NOS1AP: variants seen among roughly 807,000 people sequenced by gnomAD.
NOS1AP encodes the protein carboxyl-terminal PDZ ligand of neuronal nitric oxide synthase protein.
NOS1AP carries 21 observed loss-of-function variants against 56.2 expected under a neutral mutation model. That is an observed-to-expected ratio of 0.37 (90% CI 0.26 to 0.54). The LOEUF (loss-of-function observed/expected upper bound fraction) is 0.54, where lower values mean the gene tolerates loss of function less well. NOS1AP is among the 20% of genes least tolerant of loss of function. The pLI, the probability that NOS1AP is intolerant of heterozygous loss-of-function variation, is 0.84. For missense variants in NOS1AP, 522 were observed against 657.8 expected (o/e 0.79, Z 2.26); for synonymous variants, 270 against 274.6 (o/e 0.98, Z 0.17).
At chr1:162,101,986 G>T (rs1021944100) in intron 1 of NOS1AP, among the ~76,000 whole-genome samples, 2 of 152,066 alleles carry the variant, frequency 1.3e-5, no homozygotes, top group African/African-American at 4.8e-5. Context: ...CGTTGAATAG[G>T]AGTGGTGATA....
chr1:162,147,998 G>A (rs1244726963), intron 1 of NOS1AP, among the ~76,000 whole-genome samples: 3 of 152,158 alleles, frequency 2.0e-5, no homozygotes. Context: ...CCACCAGCAG[G>A]AAGGTTTAAC....
chr1:162,096,834 G>A (rs537759546), intron 1 of NOS1AP, among the ~76,000 whole-genome samples: 1 of 152,136 alleles, frequency 6.6e-6, no homozygotes, highest in South Asian at 2.1e-4. Flanking sequence ...TTCTTCTGTT[G>A]ATTGCATTTA....
At chr1:162,099,902 G>A (rs1408332096) in intron 1 of NOS1AP, among the ~76,000 whole-genome samples, 5 of 151,436 alleles carry the variant, frequency 3.3e-5, no homozygotes, top group South Asian at 2.1e-4. Context: ...TTGTCCTTGC[G>A]ATAGTTTGCT....
intron 2 of NOS1AP, among the ~76,000 whole-genome samples, chr1:162,210,527 C>T (rs1289564071): frequency 6.6e-6 from 1 of 152,130 alleles, no homozygotes; most frequent in African/African-American, 2.4e-5. Flanking sequence ...TATCACCGAG[C>T]TCTCTGAGGC....
chr1:162,365,452 G>A lies in NOS1AP; in HGVS notation c.988G>A (p.Glu330Lys). Residue 330 changes from glutamate (E) to lysine (K), a missense_variant, in exon 9 of 10, where the codon GAG becomes AAG. Physicochemically the swap from Glu to Lys is moderately conservative, Grantham distance 56. Transcript: ENST00000361897. ...QLAAEAAARL[E>K]AQARVHQLLL... Reference sequence around the variant, plus strand: ...GGCTGCTGAGGCTGCGGCGCGGCTGGAGGCCCAGGCTCGCGTGCATCAGCT... The same window carrying A: ...GGCTGCTGAGGCTGCGGCGCGGCTGAAGGCCCAGGCTCGCGTGCATCAGCT... 1 of 1,614,066 alleles carries A rather than the reference G, an allele frequency of 6.2e-7. No individual in the cohort carries two copies. Among genetic ancestry groups the A allele is most frequent in the Non-Finnish European group, 8.5e-7 (1 of 1,180,044 alleles).
chr1:162,246,335 G>A (rs185675162), intron 2 of NOS1AP, among the ~76,000 whole-genome samples: 7,595 of 152,194 alleles, frequency 0.05, 553 homozygotes, highest in African/African-American at 0.17. Context: ...GGACAGTACA[G>A]AGTGATGAAC....
chr1:162,077,762 TGGCCTTCCCTG>T lies in NOS1AP; in HGVS notation c.105+7481_105+7491del, dbSNP rs1437084796. ...CTCCTCCCTGCCTAAGAGTATGCTATGGCCTTCCCTGTATGAAATACCTCTTCTTTCCACCT... is the reference window on the plus strand; with the variant it reads ...CTCCTCCCTGCCTAAGAGTATGCTATTATGAAATACCTCTTCTTTCCACCT... On this transcript the variant is annotated intron_variant, in intron 1 of 9. Transcript: ENST00000361897. Among the ~76,000 whole-genome samples the T allele has an allele frequency of 5.4e-5, 8 of 148,484 alleles. 1 individual carries two copies. The highest frequency in any genetic ancestry group is 5.4e-4 in the Admixed American group (8 of 14,900).
At chr1:162,233,054 T>C (rs763604080) in intron 2 of NOS1AP, among the ~76,000 whole-genome samples, 2 of 152,218 alleles carry the variant, frequency 1.3e-5, no homozygotes, top group Non-Finnish European at 2.9e-5. Flanking sequence ...CAAACTTCAG[T>C]GTGTTTTAGA....
chr1:162,322,195 G>A (rs1656444553), intron 4 of NOS1AP, among the ~76,000 whole-genome samples: 1 of 152,166 alleles, frequency 6.6e-6, no homozygotes, highest in African/African-American at 2.4e-5. Context: ...TAGAAATGCT[G>A]ATGCCTGGAG....
chr1:162,256,341 A>T (rs1465052246), intron 2 of NOS1AP, among the ~76,000 whole-genome samples: 1 of 152,166 alleles, frequency 6.6e-6, no homozygotes, highest in East Asian at 1.9e-4. Context: ...TTTTCCTTAC[A>T]TTGGCTTCTG....
chr1:162,303,128 A>G (rs1401864964), intron 4 of NOS1AP, among the ~76,000 whole-genome samples: 2 of 152,128 alleles, frequency 1.3e-5, no homozygotes, highest in African/African-American at 2.4e-5. Flanking sequence ...AGGATCTATG[A>G]ATGTTTGTGT....
intron 3 of NOS1AP, among the ~76,000 whole-genome samples, chr1:162,298,056 G>A (rs1308692413): frequency 6.6e-6 from 1 of 152,224 alleles, no homozygotes; most frequent in Non-Finnish European, 1.5e-5. Context: ...AACATAACAA[G>A]GCAGAAAACT....
intron 1 of NOS1AP, among the ~76,000 whole-genome samples, chr1:162,149,992 T>C (rs1480047803): frequency 6.6e-6 from 1 of 152,230 alleles, no homozygotes; most frequent in Non-Finnish European, 1.5e-5. Context: ...ATAATCCAAT[T>C]ACATTCTTTC....
intron 5 of NOS1AP, among the ~76,000 whole-genome samples, chr1:162,333,926 G>A (rs1557882111): frequency 6.6e-6 from 1 of 152,160 alleles, no homozygotes; most frequent in Admixed American, 6.5e-5. Flanking sequence ...TGTAATATGT[G>A]TTAATATCCT....
intron 2 of NOS1AP, among the ~76,000 whole-genome samples, chr1:162,218,114 C>T (rs1053684171): frequency 3.5e-4 from 54 of 152,162 alleles, no homozygotes; most frequent in African/African-American, 1.2e-3. Flanking sequence ...GGAGGCCCCA[C>T]CTCTGAGTCC....
chr1:162,069,899 C>T lies in NOS1AP; in HGVS notation c.-279C>T, dbSNP rs1691622917. 1 of 179,320 alleles carries T rather than the reference C, an allele frequency of 5.6e-6. No individual in the cohort carries two copies. Among genetic ancestry groups the T allele is most frequent in the South Asian group, 1.7e-4 (1 of 5,792 alleles). 11.1% of individuals were successfully genotyped at this position (179,320 alleles called of 1,614,324 possible). A position where few individuals can be genotyped will look rare whatever the true frequency, so the allele number is the denominator to read the frequency against. On this transcript the variant is annotated 5_prime_UTR_variant, in exon 1 of 10. Transcript: ENST00000361897. Reference sequence around the variant, plus strand: ...TCCCCGGGCAGGGGCGCCGCGCAGCCCGCTCCCGCCGCCACCTCCTCCCCT... The same window carrying T: ...TCCCCGGGCAGGGGCGCCGCGCAGCTCGCTCCCGCCGCCACCTCCTCCCCT...
At chr1:162,078,664 A>T (rs776693878) in intron 1 of NOS1AP, among the ~76,000 whole-genome samples, 1 of 152,154 alleles carries the variant, frequency 6.6e-6, no homozygotes, top group Non-Finnish European at 1.5e-5. Context: ...TGAAATGGTT[A>T]TCCTCCCACT....
At chr1:162,108,328 CATCATAT>C (rs1647589330) in intron 1 of NOS1AP, among the ~76,000 whole-genome samples, 1 of 151,980 alleles carries the variant, frequency 6.6e-6, no homozygotes, top group African/African-American at 2.4e-5. Flanking sequence ...CAAGTTTGAA[CATCATAT>C]TGGATAATAC....
intron 4 of NOS1AP, among the ~76,000 whole-genome samples, chr1:162,324,241 A>G (rs375626431): frequency 6.6e-6 from 1 of 152,170 alleles, no homozygotes; most frequent in East Asian, 1.9e-4. Context: ...GTATGAACTC[A>G]GATAACACAG....
Sources: allele counts gnomAD v4.1 joint callset (sites outside exome capture counted in the v4.1 genomes callset), GRCh38; gene constraint gnomAD v4.1.1; transcripts MANE v1.5; gene names NCBI Gene and HGNC (gene_info 2026-07-23, HGNC 2026-07-21).